The following RGL3 variants were observed in gnomAD, a reference collection of about 807,000 sequenced individuals.
RGL3 encodes ral guanine nucleotide dissociation stimulator like 3.
In RGL3, 85 loss-of-function variants were observed where a neutral mutation model predicts 90.6. The observed-to-expected ratio is 0.94, with a 90% confidence interval of 0.79 to 1.12. The LOEUF (loss-of-function observed/expected upper bound fraction) is 1.12. RGL3 is among the 50% of genes most tolerant of loss of function. RGL3 has a pLI of 0.00. For missense variants in RGL3, 1,034 were observed against 939.2 expected, an observed-to-expected ratio of 1.10 and a Z score of -1.32; for synonymous variants, 408 against 385.5, an observed-to-expected ratio of 1.06 and a Z score of -0.68.
Position 11,405,419 on chromosome 19 carries a change from C to G in RGL3, c.1004G>C (p.Arg335Pro). The G allele has an allele frequency of 6.6e-7, 1 of 1,504,354 alleles. No individual in the cohort carries two copies. Among genetic ancestry groups the G allele is most frequent in the South Asian group, 1.1e-5 (1 of 87,212 alleles). 93.2% of individuals were successfully genotyped at this position (1,504,354 alleles called of 1,614,324 possible). ...CAAGGAGGAGAAGTTCCGCAGTTCT[C>G]GGCAGCGCTGCCAGGCGGTGGGGAC... ...EKWIRIAQRCRELRNFSSLRA... is the reference protein window; with the variant it reads ...EKWIRIAQRCPELRNFSSLRA... The change falls in exon 8 of 19, where the codon CGA becomes CCA. Residue 335 changes from arginine to proline, a missense_variant. Arg to Pro is a moderately radical substitution (Grantham distance 103). Transcript: ENST00000380456.
At chr19:11,394,770 A>G (rs562567221) in intron 18 of RGL3, 1 of 417,308 alleles carries the variant, frequency 2.4e-6, no homozygotes, top group East Asian at 4.8e-5. Flanking sequence ...CCCTCACCAT[A>G]GAGACAAGGC....
intron 16 of RGL3, among the ~76,000 whole-genome samples, chr19:11,398,306 G>A (rs926716380): frequency 6.6e-6 from 1 of 151,988 alleles, no homozygotes; most frequent in African/African-American, 2.4e-5. Flanking sequence ...TGAATACTCA[G>A]GCCCACATTT....
chr19:11,409,682 T>C (rs1005718772), intron 5 of RGL3, among the ~76,000 whole-genome samples: 9 of 152,190 alleles, frequency 5.9e-5, no homozygotes, highest in African/African-American at 2.2e-4. Flanking sequence ...TGGAAAATGA[T>C]GTCCCCAGAA....
Position 11,418,770 on chromosome 19 carries a change from G to A in RGL3, c.48C>T (p.Asp16=), listed in dbSNP as rs1437554398. The A allele has an allele frequency of 3.2e-6, 5 of 1,553,524 alleles. No homozygotes were observed. In the African/African-American group the frequency reaches 6.8e-5, roughly 21 times the overall value. Residue 16 remains aspartate (D), a synonymous_variant, in exon 2 of 19, where the codon GAC becomes GAT. Coordinates refer to ENST00000380456, the MANE Select transcript of RGL3 (RefSeq NM_001035223.4). ...GKELALAPLQ[D]WGEETEDGAV... is the part of the protein sequence containing the mutation. Reference sequence around the variant, plus strand: ...CGCCGTCCTCGGTCTCTTCACCCCAGTCCTGCAGCGGTGCCTGGACGCACA... The same window carrying A: ...CGCCGTCCTCGGTCTCTTCACCCCAATCCTGCAGCGGTGCCTGGACGCACA...
rs1276394421 is a variant in RGL3, at chr19:11,402,055, G to C, written c.1440C>G (p.Ile480Met). 4 of 1,573,656 alleles carry C rather than the reference G, an allele frequency of 2.5e-6. No individual in the cohort carries two copies. In the East Asian group the frequency reaches 9.0e-5, roughly 35 times the overall value. ...QSYTLSPHPP[I>M]LAALHAQNQL... ...GGTTCTGGGCATGCAGGGCAGCCAG[G>C]ATGGGCGGGTGGGGGCTCAGGGTGT... Residue 480 changes from isoleucine to methionine, a missense_variant, in exon 13 of 19, where the codon ATC becomes ATG. Ile to Met is a conservative substitution (Grantham distance 10, BLOSUM62 1). Transcript: ENST00000380456.
rs375413580 is a variant in RGL3, at chr19:11,402,146, C to T, written c.1363-14G>A. On this transcript the variant is annotated splice_polypyrimidine_tract_variant and intron_variant, in intron 12 of 18. Coordinates refer to ENST00000380456, the MANE Select transcript of RGL3 (RefSeq NM_001035223.4). ...GATCTCCCACTCCTGGAGGACGAGCCTCTAAGACCCTACCCCTGCCCCACC... is the reference window on the plus strand; with the variant it reads ...GATCTCCCACTCCTGGAGGACGAGCTTCTAAGACCCTACCCCTGCCCCACC... 26 of 1,611,650 alleles carry T rather than the reference C, an allele frequency of 1.6e-5. No individual in the cohort carries two copies. Among genetic ancestry groups the T allele is most frequent in the Non-Finnish European group, 2.1e-5 (25 of 1,179,060 alleles).
intron 5 of RGL3, among the ~76,000 whole-genome samples, chr19:11,409,361 G>A (rs900887800): frequency 1.3e-5 from 2 of 151,912 alleles, no homozygotes; most frequent in Non-Finnish European, 2.9e-5. Context: ...GGCGCCTGTA[G>A]TCCCAGCTAC....
intron 18 of RGL3, 85 bp from the exon 19 acceptor site, chr19:11,394,605 C>A: frequency 1.0e-6 from 1 of 981,490 alleles, no homozygotes; most frequent in Non-Finnish European, 1.6e-6. Context: ...CTGCCACTCA[C>A]CCGCGAACCT....
At position 11,402,235 on chromosome 19, in the gene RGL3, T is replaced by A. The variant is rs1398664992; in HGVS notation, c.1342A>T (p.Asn448Tyr). The A allele has an allele frequency of 5.0e-6, 8 of 1,613,266 alleles. No individual in the cohort carries two copies. The highest frequency in any genetic ancestry group is 2.7e-5 in the African/African-American group (2 of 74,790). ...LPDMLEGDLI[N>Y]FEKRRKEWEI... is the part of the protein sequence containing the mutation. ...CTCACCTTCCTCCTCTTCTCAAAGT[T>A]AATGAGATCCCCCTGGGGGCAAAGT... Residue 448 changes from asparagine (N) to tyrosine (Y), a missense_variant, in exon 12 of 19, where the codon AAC becomes TAC. Transcript: ENST00000380456.
chr19:11,402,659 G>C lies in RGL3; in HGVS notation c.1233C>G (p.Ser411Arg). 6.2e-7 allele frequency: 1 copy of C among 1,613,950 alleles called. No homozygotes were observed. Among genetic ancestry groups the C allele is most frequent in the African/African-American group, 1.3e-5 (1 of 75,012 alleles). The change falls in exon 10 of 19, where the codon AGC (serine) becomes AGG (arginine). Residue 411 changes from serine to arginine, a missense_variant. Physicochemically the swap from Ser to Arg is moderately radical, Grantham distance 110. Transcript: ENST00000380456. ...AACTGTAATCACTCACTGAGGGCAG[G>C]CTGCCTGGGGTGTTGTCCTCTTCTT... Reference protein sequence around the residue: ...GSQEEDNTPGSLPSKPPPGPV... With the variant: ...GSQEEDNTPGRLPSKPPPGPV...
At position 11,399,014 on chromosome 19, in the gene RGL3, G is replaced by A. The variant is rs76887299; in HGVS notation, c.1746+841C>T. Reference sequence around the variant, plus strand: ...ATCTCGCTCTATCATGCAGGCTAGAGTGCCGTGGCATGATCGTAGCTCACT... The same window carrying A: ...ATCTCGCTCTATCATGCAGGCTAGAATGCCGTGGCATGATCGTAGCTCACT... On this transcript the variant is annotated intron_variant, in intron 16 of 18. Transcript: ENST00000380456. 8.2e-3 allele frequency among the ~76,000 whole-genome samples: 1,246 copies of A among 152,192 alleles called. 21 individuals are homozygous for A. The highest frequency in any genetic ancestry group is 0.059 in the East Asian group (302 of 5,152).
At chr19:11,413,902 C>T (rs1024804114) in intron 5 of RGL3, among the ~76,000 whole-genome samples, 1 of 148,298 alleles carries the variant, frequency 6.7e-6, no homozygotes, top group African/African-American at 2.5e-5. Context: ...CGCCACCACG[C>T]CCGGCTAATA....
chr19:11,404,176 C>T (rs1968729145), intron 9 of RGL3, among the ~76,000 whole-genome samples: 1 of 152,168 alleles, frequency 6.6e-6, no homozygotes, highest in Non-Finnish European at 1.5e-5. Context: ...AGTCACTGAG[C>T]CCAGCTCACG....
intron 2 of RGL3, among the ~76,000 whole-genome samples, chr19:11,417,661 G>C (rs914007000): frequency 6.6e-6 from 1 of 151,326 alleles, no homozygotes; most frequent in Non-Finnish European, 1.5e-5. Flanking sequence ...TAGTAGAGAC[G>C]GTGTTTCACC....
chr19:11,409,302 A>AC (rs1331062086), intron 5 of RGL3, among the ~76,000 whole-genome samples: 1 of 152,196 alleles, frequency 6.6e-6, no homozygotes, highest in Non-Finnish European at 1.5e-5. Context: ...AACATGGTGA[A>AC]ACCCCGTCTC....
At chr19:11,404,598 G>A (rs1321993855) in intron 9 of RGL3, among the ~76,000 whole-genome samples, 3 of 152,146 alleles carry the variant, frequency 2.0e-5, no homozygotes, top group African/African-American at 7.2e-5. Flanking sequence ...AACCAGATGT[G>A]TGGTTTTGGG....
At chr19:11,416,242 A>G in intron 4 of RGL3, 94 bp from the exon 5 acceptor site, 1 of 909,880 alleles carries the variant, frequency 1.1e-6, no homozygotes, top group Non-Finnish European at 1.6e-6. Context: ...TTTTTGAGAT[A>G]GAGTCTTACT....
chr19:11,398,338 TTTTC>T (rs1278793278), intron 16 of RGL3, among the ~76,000 whole-genome samples: 2 of 152,076 alleles, frequency 1.3e-5, no homozygotes, highest in African/African-American at 2.4e-5. Context: ...ACACAGATTC[TTTTC>T]TTTTTCTTTT....
chr19:11,404,204 G>A (rs1968729574), intron 9 of RGL3, among the ~76,000 whole-genome samples: 1 of 152,146 alleles, frequency 6.6e-6, no homozygotes, highest in Non-Finnish European at 1.5e-5. Flanking sequence ...CTAGGTGCTG[G>A]GCAGGAAAAC....
Sources: allele counts gnomAD v4.1 joint callset (sites outside exome capture counted in the v4.1 genomes callset), GRCh38; gene constraint gnomAD v4.1.1; transcripts MANE v1.5; gene names NCBI Gene and HGNC (gene_info 2026-07-23, HGNC 2026-07-21).